DUSP13A: variants seen among roughly 807,000 people sequenced by gnomAD.
DUSP13A encodes dual specificity protein phosphatase 13A.
the DUSP13A span, chr10:75,105,895 CCT>C: frequency 6.5e-7 from 1 of 1,540,788 alleles, no homozygotes; most frequent in Non-Finnish European, 8.8e-7. Context: ...GGTGAAAAAC[CCT>C]GTCCCACACA....
chr10:75,109,110 C>T, the DUSP13A span: 10 of 1,611,688 alleles, frequency 6.2e-6, no homozygotes, highest in East Asian at 1.3e-4. Context: ...TGGGGCAAGG[C>T]GTGGCTTTGT....
At chr10:75,105,956 C>T in the DUSP13A span, 1 of 1,272,182 alleles carries the variant, frequency 7.9e-7, no homozygotes, top group East Asian at 2.5e-5. Flanking sequence ...TTTCCTGACC[C>T]TGCCTTGGGT....
chr10:75,108,696 A>T, the DUSP13A span, among the ~76,000 whole-genome samples: 5 of 152,110 alleles, frequency 3.3e-5, no homozygotes, highest in African/African-American at 1.2e-4. Context: ...CTCTCTGTCT[A>T]CCTTATCTCA....
the DUSP13A span, among the ~76,000 whole-genome samples, chr10:75,106,222 G>A: frequency 1.3e-5 from 2 of 150,620 alleles, no homozygotes; most frequent in East Asian, 3.9e-4. Context: ...GATTACAGGC[G>A]TGAGACACCG....
chr10:75,108,888 G>A, the DUSP13A span: 22 of 1,326,540 alleles, frequency 1.7e-5, no homozygotes, highest in African/African-American at 3.2e-4. Flanking sequence ...AAGGTCCCTG[G>A]CCTGGGATGG....
the DUSP13A span, among the ~76,000 whole-genome samples, chr10:75,108,760 G>A: frequency 6.6e-6 from 1 of 152,114 alleles, no homozygotes; most frequent in Non-Finnish European, 1.5e-5. Context: ...AGTTGTCCTG[G>A]AAATGTTTCC....
chr10:75,108,404 T>C, the DUSP13A span: 2 of 1,012,608 alleles, frequency 2.0e-6, no homozygotes, highest in Non-Finnish European at 1.4e-6. Context: ...GAGCCGGCGG[T>C]GTGTGTGTCG....
chr10:75,108,293 G>C, the DUSP13A span: 5 of 1,506,792 alleles, frequency 3.3e-6, no homozygotes, highest in Admixed American at 2.2e-5. Flanking sequence ...GCTGCAGAGG[G>C]ACCGAGCCAT....
chr10:75,108,129 C>G, the DUSP13A span: 9 of 1,613,542 alleles, frequency 5.6e-6, no homozygotes, highest in Non-Finnish European at 5.9e-6. Flanking sequence ...GCCGCCCTGA[C>G]AGTAGAGGCC....
At chr10:75,107,916 T>C in the DUSP13A span, 2 of 1,476,848 alleles carry the variant, frequency 1.4e-6, no homozygotes, top group Non-Finnish European at 1.8e-6. Context: ...GGGAGGGCAC[T>C]GATGACTGAG....
At chr10:75,106,531 C>CT in the DUSP13A span, among the ~76,000 whole-genome samples, 3 of 152,210 alleles carry the variant, frequency 2.0e-5, no homozygotes, top group Non-Finnish European at 4.4e-5. Context: ...AGCAGCTCAT[C>CT]TTTTTTGCAT....
the DUSP13A span, among the ~76,000 whole-genome samples, chr10:75,107,543 G>A: frequency 6.6e-6 from 1 of 152,116 alleles, no homozygotes; most frequent in Non-Finnish European, 1.5e-5. Context: ...GGAAGGAATC[G>A]GGTTCGACAA....
chr10:75,108,369 CAG>C, the DUSP13A span: 1 of 1,335,876 alleles, frequency 7.5e-7, no homozygotes. Flanking sequence ...GCCCTATACC[CAG>C]AGCCCCGCAC....
the DUSP13A span, chr10:75,108,328 C>T: frequency 8.1e-5 from 118 of 1,455,270 alleles, no homozygotes; most frequent in Non-Finnish European, 1.0e-4. Flanking sequence ...AGTCCAACCC[C>T]AGCAAGCTCC....
At chr10:75,107,884 A>C in the DUSP13A span, 1 of 1,321,386 alleles carries the variant, frequency 7.6e-7, no homozygotes, top group Non-Finnish European at 1.0e-6. Context: ...GCCTAAGCAG[A>C]GGATTTTTAA....
chr10:75,107,518 C>T, the DUSP13A span, among the ~76,000 whole-genome samples: 1 of 152,130 alleles, frequency 6.6e-6, no homozygotes, highest in African/African-American at 2.4e-5. Flanking sequence ...TTCCAGGCCT[C>T]AGTTTCCCCA....
the DUSP13A span, chr10:75,105,809 A>G: frequency 1.3e-6 from 2 of 1,551,036 alleles, no homozygotes; most frequent in Non-Finnish European, 1.7e-6. Context: ...AGCATGAGGT[A>G]GGCCAGGACC....
chr10:75,108,150 G>T, the DUSP13A span: 1 of 1,613,056 alleles, frequency 6.2e-7, no homozygotes, highest in East Asian at 2.2e-5. Flanking sequence ...CTTGTGGGCG[G>T]CGTTCAGCAC....
chr10:75,108,603 C>G, the DUSP13A span, among the ~76,000 whole-genome samples: 1 of 152,106 alleles, frequency 6.6e-6, no homozygotes, highest in Non-Finnish European at 1.5e-5. Context: ...TGTTTAGAGG[C>G]AACACCTTCT....
Sources: allele counts gnomAD v4.1 joint callset (sites outside exome capture counted in the v4.1 genomes callset), GRCh38; gene constraint gnomAD v4.1.1; transcripts MANE v1.5; gene names NCBI Gene and HGNC (gene_info 2026-07-23, HGNC 2026-07-21).